The following CDH8 variants were observed in gnomAD, a reference collection of about 807,000 sequenced individuals.
The protein encoded by CDH8 is cadherin 8.
Under a neutral mutation model 68.1 loss-of-function variants are expected in CDH8, and 17 were observed. That is an observed-to-expected ratio of 0.25 (90% CI 0.17 to 0.37). The LOEUF is 0.37. Ranked by LOEUF, CDH8 falls within the 10% of genes least tolerant of loss-of-function variation. The pLI is 1.00. For missense variants in CDH8, 763 were observed against 999.3 expected (o/e 0.76, Z 3.19); for synonymous variants, 372 against 365.1 (o/e 1.02, Z -0.21).
At chr16:61,769,046 T>C (rs1169050383) in intron 8 of CDH8, among the ~76,000 whole-genome samples, 1 of 151,754 alleles carries the variant, frequency 6.6e-6, no homozygotes, top group Non-Finnish European at 1.5e-5. Flanking sequence ...CACAAGAATA[T>C]AGAAGCACAG....
At chr16:61,706,685 G>A (rs1275665919) in intron 10 of CDH8, among the ~76,000 whole-genome samples, 3 of 149,740 alleles carry the variant, frequency 2.0e-5, no homozygotes, top group Non-Finnish European at 4.4e-5. Flanking sequence ...GCATGTATAA[G>A]GGCACAGAAG....
At chr16:61,939,941 A>G (rs1055971071) in intron 2 of CDH8, among the ~76,000 whole-genome samples, 2 of 152,170 alleles carry the variant, frequency 1.3e-5, no homozygotes, top group African/African-American at 2.4e-5. Flanking sequence ...AGGGGACAGG[A>G]TTTTAGCTAG....
intron 8 of CDH8, among the ~76,000 whole-genome samples, chr16:61,778,220 G>C (rs1326418503): frequency 6.6e-6 from 1 of 152,056 alleles, no homozygotes; most frequent in African/African-American, 2.4e-5. Flanking sequence ...CTGCACAAGG[G>C]AATAGCTATC....
chr16:61,884,523 G>A (rs927383304), intron 3 of CDH8, among the ~76,000 whole-genome samples: 1 of 151,730 alleles, frequency 6.6e-6, no homozygotes, highest in African/African-American at 2.4e-5. Context: ...ACAGCTCTGT[G>A]CCACCACACC....
Position 61,961,485 on chromosome 16 carries a change from A to G in CDH8, c.252+59667T>C, listed in dbSNP as rs115792850. ...CTTTTCTGTCTCCCACACTGTGGTC[A>G]TGCTTCCTTGTTCTCTTCTTTTTCC... On this transcript the variant is annotated intron_variant, in intron 2 of 11. Transcript: ENST00000577390. Among the ~76,000 whole-genome samples the G allele has an allele frequency of 1.6e-3, 242 of 152,180 alleles. 1 individual carries two copies. The highest frequency in any genetic ancestry group is 5.7e-3 in the African/African-American group (235 of 41,524).
intron 2 of CDH8, among the ~76,000 whole-genome samples, chr16:61,977,443 C>G (rs1327818090): frequency 6.6e-6 from 1 of 152,116 alleles, no homozygotes; most frequent in Non-Finnish European, 1.5e-5. Flanking sequence ...AACGATTTCT[C>G]CCCATGATTT....
At chr16:61,684,046 C>G (rs1567420051) in intron 10 of CDH8, among the ~76,000 whole-genome samples, 1 of 151,988 alleles carries the variant, frequency 6.6e-6, no homozygotes, top group Non-Finnish European at 1.5e-5. Flanking sequence ...GCCATTGCAC[C>G]CTTCGTGCTC....
chr16:61,982,410 G>C (rs1230085753), intron 2 of CDH8, among the ~76,000 whole-genome samples: 1 of 152,060 alleles, frequency 6.6e-6, no homozygotes, highest in East Asian at 1.9e-4. Flanking sequence ...TAGTAGAGAT[G>C]GGGTTTCACC....
chr16:61,733,230 A>G (rs1959583760), intron 8 of CDH8, among the ~76,000 whole-genome samples: 2 of 151,814 alleles, frequency 1.3e-5, no homozygotes, highest in South Asian at 4.1e-4. Context: ...TAAAATGTAT[A>G]TGCTAAGCCC....
chr16:61,694,106 T>C (rs1317688327), intron 10 of CDH8, among the ~76,000 whole-genome samples: 2 of 152,232 alleles, frequency 1.3e-5, no homozygotes, highest in Non-Finnish European at 2.9e-5. Flanking sequence ...TGAGGAATCC[T>C]ATTTTGATCG....
At chr16:61,876,830 G>T (rs761922855) in intron 3 of CDH8, among the ~76,000 whole-genome samples, 23 of 151,938 alleles carry the variant, frequency 1.5e-4, no homozygotes, top group Admixed American at 2.6e-4. Flanking sequence ...TAGATTTAAT[G>T]GAAAGCACAT....
chr16:61,766,220 C>G (rs1567460115), intron 8 of CDH8, among the ~76,000 whole-genome samples: 1 of 151,702 alleles, frequency 6.6e-6, no homozygotes, highest in African/African-American at 2.4e-5. Flanking sequence ...TTAGCTGCCA[C>G]TTATAAGTGA....
At chr16:61,743,368 T>C (rs750257690) in intron 8 of CDH8, 2 of 155,850 alleles carry the variant, frequency 1.3e-5, no homozygotes, top group African/African-American at 4.8e-5. Flanking sequence ...GGGATGCCCG[T>C]GGAGTGGTGA....
chr16:62,000,408 AC>A (rs1965875583), intron 2 of CDH8, among the ~76,000 whole-genome samples: 1 of 151,916 alleles, frequency 6.6e-6, no homozygotes, highest in Non-Finnish European at 1.5e-5. Context: ...ACTAATTTAC[AC>A]TCCCACCAAC....
At chr16:62,008,941 GCA>G (rs10530899) in intron 2 of CDH8, among the ~76,000 whole-genome samples, 9,535 of 147,716 alleles carry the variant, frequency 0.065, 841 homozygotes, top group African/African-American at 0.2. Context: ...AATAGGATGT[GCA>G]CACACACACA....
intron 4 of CDH8, among the ~76,000 whole-genome samples, chr16:61,856,505 C>T (rs1430053594): frequency 6.6e-6 from 1 of 152,038 alleles, no homozygotes; most frequent in Admixed American, 6.6e-5. Flanking sequence ...TACTTCATGG[C>T]TTATAAAATC....
intron 3 of CDH8, among the ~76,000 whole-genome samples, chr16:61,895,423 A>G (rs1963854140): frequency 6.6e-6 from 1 of 152,114 alleles, no homozygotes; most frequent in South Asian, 2.1e-4. Flanking sequence ...AGAAAAACTA[A>G]TATCGGTACT....
At position 61,713,978 on chromosome 16, in the gene CDH8, G is replaced by C; in HGVS notation, c.1537-20C>G. On this transcript the variant is annotated intron_variant, in intron 9 of 11. Coordinates refer to ENST00000577390, the MANE Select transcript of CDH8 (RefSeq NM_001796.5). ...AATGACCTGAAACATAAAACTTGACGTCAGCATTTCTGATGATTTCAGAGG... is the reference window on the plus strand; with the variant it reads ...AATGACCTGAAACATAAAACTTGACCTCAGCATTTCTGATGATTTCAGAGG... 1 of 1,414,688 alleles carries C rather than the reference G, an allele frequency of 7.1e-7. No homozygotes were observed. Among genetic ancestry groups the C allele is most frequent in the Non-Finnish European group, 1.0e-6 (1 of 999,428 alleles). The allele number at this position is 1,414,688 out of a possible 1,614,324, so 87.6% of individuals were successfully genotyped here. A position where few individuals can be genotyped will look rare whatever the true frequency, so the allele number is the denominator to read the frequency against.
intron 8 of CDH8, among the ~76,000 whole-genome samples, chr16:61,744,773 TTAAA>T (rs528840405): frequency 3.2e-3 from 484 of 151,498 alleles, no homozygotes; most frequent in Non-Finnish European, 5.7e-3. Flanking sequence ...AAAGTATATC[TTAAA>T]TAATGTATCA....
Sources: gnomAD v4.1 joint callset for allele counts (sites outside exome capture counted in the v4.1 genomes callset) on GRCh38, gnomAD v4.1.1 for gene constraint, MANE v1.5 for transcripts, NCBI Gene and HGNC (gene_info 2026-07-23, HGNC 2026-07-21) for gene names.